ZCCHC17: variants seen among roughly 807,000 people sequenced by gnomAD.
The protein encoded by ZCCHC17 is zinc finger CCHC-type containing 17.
A neutral mutation model predicts 30.6 loss-of-function variants in ZCCHC17; 18 were observed. The observed-to-expected ratio is 0.59, with a 90% CI of 0.41 to 0.87. The LOEUF (loss-of-function observed/expected upper bound fraction) is 0.87. Among genes scored for constraint, ZCCHC17 ranks in the 40% least tolerant of loss-of-function variants. The probability of loss-of-function intolerance (pLI) is 0.00; values close to 1 mark genes in which losing one functional copy is unlikely to be tolerated. For synonymous variants in ZCCHC17, 88 were observed against 92.4 expected (o/e 0.95, Z 0.27); for missense variants, 263 against 284.2 (o/e 0.93, Z 0.54).
intron 2 of ZCCHC17, among the ~76,000 whole-genome samples, chr1:31,314,062 G>A (rs146365459): frequency 6.6e-6 from 1 of 151,876 alleles, no homozygotes; most frequent in Non-Finnish European, 1.5e-5. Flanking sequence ...ACAGAGTTTC[G>A]CCATGTTGGC....
intron 6 of ZCCHC17, among the ~76,000 whole-genome samples, chr1:31,347,692 A>G (rs1375857010): frequency 2.6e-5 from 4 of 152,096 alleles, no homozygotes; most frequent in African/African-American, 9.7e-5. Context: ...GGCTCACTGC[A>G]TCTTTGACCT....
chr1:31,323,721 A>G (rs1195606475), intron 3 of ZCCHC17, among the ~76,000 whole-genome samples: 1 of 152,238 alleles, frequency 6.6e-6, no homozygotes, highest in African/African-American at 2.4e-5. Flanking sequence ...TTTTTAAAAA[A>G]TGATTTAAAA....
At chr1:31,361,786 ATTAT>A (rs3049344) in intron 7 of ZCCHC17, among the ~76,000 whole-genome samples, 24,126 of 145,782 alleles carry the variant, frequency 0.17, 2,087 homozygotes, top group South Asian at 0.24. Flanking sequence ...AGAGGGGGAG[ATTAT>A]TTATTTATTT....
intron 3 of ZCCHC17, among the ~76,000 whole-genome samples, chr1:31,327,605 C>G (rs1569830810): frequency 6.6e-6 from 1 of 152,188 alleles, no homozygotes. Context: ...CTTTGTCCAT[C>G]CACACTGTGT....
intron 1 of ZCCHC17, among the ~76,000 whole-genome samples, chr1:31,300,114 C>T (rs896590387): frequency 1.3e-5 from 2 of 152,204 alleles, no homozygotes; most frequent in Non-Finnish European, 2.9e-5. Flanking sequence ...AGGCCGATTG[C>T]AGTGGCATGA....
chr1:31,344,522 G>A (rs1639168366), intron 5 of ZCCHC17, among the ~76,000 whole-genome samples: 2 of 152,208 alleles, frequency 1.3e-5, no homozygotes, highest in South Asian at 4.1e-4. Context: ...GGATGGATTG[G>A]AGGAAGAAAA....
chr1:31,315,159 G>A (rs1377202584), intron 2 of ZCCHC17, among the ~76,000 whole-genome samples: 1 of 152,090 alleles, frequency 6.6e-6, no homozygotes, highest in Non-Finnish European at 1.5e-5. Context: ...TGTCTCATAT[G>A]TCTTGGTAAC....
chr1:31,347,153 T>C (rs192999660), intron 6 of ZCCHC17, among the ~76,000 whole-genome samples: 1 of 152,404 alleles, frequency 6.6e-6, no homozygotes, highest in East Asian at 1.9e-4. Flanking sequence ...TCTTTATCTC[T>C]TTAATGTCAG....
At chr1:31,334,170 A>G (rs1638705943) in intron 3 of ZCCHC17, among the ~76,000 whole-genome samples, 1 of 152,148 alleles carries the variant, frequency 6.6e-6, no homozygotes, top group Admixed American at 6.6e-5. Context: ...TAGGCTATCA[A>G]CCTCCAGAAT....
At chr1:31,319,066 T>G (rs1646799422) in intron 2 of ZCCHC17, 43 bp from the exon 3 acceptor site, 2 of 1,583,572 alleles carry the variant, frequency 1.3e-6, no homozygotes, top group Middle Eastern at 1.7e-4. Context: ...AGAAGAAAGA[T>G]TCTCATGTAT....
At chr1:31,304,752 C>T (rs1003877111) in intron 1 of ZCCHC17, among the ~76,000 whole-genome samples, 5 of 151,932 alleles carry the variant, frequency 3.3e-5, no homozygotes, top group Non-Finnish European at 7.4e-5. Flanking sequence ...CCCGCTGCCA[C>T]GCCTGGCTAA....
At chr1:31,350,886 G>A (rs1244657619) in intron 7 of ZCCHC17, among the ~76,000 whole-genome samples, 1 of 152,180 alleles carries the variant, frequency 6.6e-6, no homozygotes, top group East Asian at 1.9e-4. Context: ...ACAGGCGTGA[G>A]CCTCCGCGCC....
At chr1:31,333,038 A>G (rs560858103) in intron 3 of ZCCHC17, 1 of 152,094 alleles carries the variant, frequency 6.6e-6, no homozygotes, top group Non-Finnish European at 1.5e-5. Flanking sequence ...GACCTTAAAC[A>G]TTTCCCCATT....
intron 3 of ZCCHC17, among the ~76,000 whole-genome samples, chr1:31,319,430 T>A (rs1313642998): frequency 6.6e-6 from 1 of 152,190 alleles, no homozygotes; most frequent in Non-Finnish European, 1.5e-5. Context: ...CCTGTGACCC[T>A]AGGCAAATCA....
intron 3 of ZCCHC17, among the ~76,000 whole-genome samples, chr1:31,322,725 CTT>C (rs35728249): frequency 2.2e-3 from 317 of 142,778 alleles, no homozygotes; most frequent in Middle Eastern, 3.6e-3. Flanking sequence ...GCTGAAATTT[CTT>C]TTTTTTTTTT....
intron 5 of ZCCHC17, among the ~76,000 whole-genome samples, chr1:31,346,213 A>C (rs1482431039): frequency 6.6e-6 from 1 of 152,114 alleles, no homozygotes; most frequent in Non-Finnish European, 1.5e-5. Flanking sequence ...GGATAAGAGA[A>C]AATAGACTTC....
intron 3 of ZCCHC17, among the ~76,000 whole-genome samples, chr1:31,327,975 C>G (rs942374712): frequency 6.6e-6 from 1 of 151,958 alleles, no homozygotes; most frequent in Non-Finnish European, 1.5e-5. Flanking sequence ...ACATATGTAC[C>G]CCCGGAATCT....
intron 3 of ZCCHC17, among the ~76,000 whole-genome samples, chr1:31,326,019 C>CATGG (rs1638330611): frequency 6.6e-6 from 1 of 150,834 alleles, no homozygotes; most frequent in Admixed American, 6.6e-5. Flanking sequence ...AAAAAACTAA[C>CATGG]ATGGAAAGAA....
intron 5 of ZCCHC17, among the ~76,000 whole-genome samples, chr1:31,344,508 G>T (rs1430448305): frequency 7.2e-5 from 11 of 152,164 alleles, no homozygotes; most frequent in Admixed American, 7.2e-4. Context: ...CAGAATCTGT[G>T]CTGGGATGGA....
Sources: allele counts gnomAD v4.1 joint callset (sites outside exome capture counted in the v4.1 genomes callset), GRCh38; gene constraint gnomAD v4.1.1; transcripts MANE v1.5; gene names NCBI Gene and HGNC (gene_info 2026-07-23, HGNC 2026-07-21).